Variants in ELOVL2 observed in about 807,000 individuals in gnomAD.
The protein encoded by ELOVL2 is very long chain fatty acid elongase 2.
A neutral mutation model predicts 37.7 loss-of-function variants in ELOVL2; 38 were observed. The ratio of observed to expected loss-of-function variants is 1.01; its 90% CI spans 0.78 to 1.32. The LOEUF (loss-of-function observed/expected upper bound fraction) is 1.32, where lower values mean the gene tolerates loss of function less well. Ranked by LOEUF, ELOVL2 falls within the 40% of genes most tolerant of loss-of-function variation. The probability of loss-of-function intolerance (pLI) is 0.00; values close to 1 mark genes in which losing one functional copy is unlikely to be tolerated. For synonymous variants in ELOVL2, 115 were observed against 122.3 expected, an observed-to-expected ratio of 0.94 and a Z score of 0.40; for missense variants, 352 against 363.6, an observed-to-expected ratio of 0.97 and a Z score of 0.26.
chr6:11,006,538 C>T (rs751108622), intron 2 of ELOVL2, among the ~76,000 whole-genome samples: 1 of 152,242 alleles, frequency 6.6e-6, no homozygotes, highest in Non-Finnish European at 1.5e-5. Flanking sequence ...GTTTCACCAA[C>T]AGGCAATGGC....
intron 5 of ELOVL2, among the ~76,000 whole-genome samples, chr6:10,992,800 CAAAA>C (rs1554110938): frequency 6.3e-5 from 7 of 111,084 alleles, no homozygotes; most frequent in African/African-American, 1.3e-4. Flanking sequence ...AAAAACAAAA[CAAAA>C]AAAAACAAAA....
intron 4 of ELOVL2, among the ~76,000 whole-genome samples, chr6:10,997,676 A>G (rs1222543230): frequency 1.3e-5 from 2 of 152,160 alleles, no homozygotes; most frequent in African/African-American, 4.8e-5. Context: ...TGGCAATTAG[A>G]TTTACAGGCT....
At chr6:11,021,596 A>C (rs1782766320) in intron 1 of ELOVL2, among the ~76,000 whole-genome samples, 1 of 152,170 alleles carries the variant, frequency 6.6e-6, no homozygotes, top group South Asian at 2.1e-4. Context: ...TAAAGCAGAG[A>C]GATATTGAGG....
Position 10,990,082 on chromosome 6 carries a change from A to G in ELOVL2, c.630+236T>C, listed in dbSNP as rs1322047085. Among the ~76,000 whole-genome samples, 3 of 152,378 alleles carry G rather than the reference A, an allele frequency of 2.0e-5. No individual in the cohort carries two copies. In the East Asian group the frequency reaches 5.8e-4, roughly 29 times the overall value. On this transcript the variant is annotated intron_variant, in intron 6 of 7. Transcript: ENST00000354666. Reference sequence around the variant, plus strand: ...TATTTAGACAAAAAGGATTTAACTTACACATTAATTTGAAAAGTAATCATC... The same window carrying G: ...TATTTAGACAAAAAGGATTTAACTTGCACATTAATTTGAAAAGTAATCATC...
chr6:11,018,873 C>G (rs1782722750), intron 1 of ELOVL2, among the ~76,000 whole-genome samples: 1 of 152,090 alleles, frequency 6.6e-6, no homozygotes, highest in African/African-American at 2.4e-5. Flanking sequence ...CCATTAATTT[C>G]AAAGCATTTA....
chr6:11,020,212 G>T (rs997637269), intron 1 of ELOVL2, among the ~76,000 whole-genome samples: 1 of 152,024 alleles, frequency 6.6e-6, no homozygotes, highest in Non-Finnish European at 1.5e-5. Context: ...CAATGGGTTG[G>T]TTTCTTCCTA....
At chr6:10,997,042 TTTAG>T (rs70991079) in intron 4 of ELOVL2, among the ~76,000 whole-genome samples, 17,283 of 152,146 alleles carry the variant, frequency 0.11, 1,285 homozygotes, top group Non-Finnish European at 0.16. Context: ...ATTAAAAGAT[TTTAG>T]TTAAATGGTT....
chr6:10,993,836 G>A (rs1303218298), intron 5 of ELOVL2, among the ~76,000 whole-genome samples: 2 of 146,458 alleles, frequency 1.4e-5, no homozygotes, highest in Admixed American at 6.9e-5. Flanking sequence ...TATTACAAGT[G>A]CACGTCACCA....
At chr6:11,025,398 G>T (rs1235595670) in intron 1 of ELOVL2, among the ~76,000 whole-genome samples, 1 of 152,084 alleles carries the variant, frequency 6.6e-6, no homozygotes, top group Non-Finnish European at 1.5e-5. Flanking sequence ...GAAATGAACT[G>T]GGCAGACAGA....
chr6:10,987,245 CTTT>C (rs1782068588), intron 7 of ELOVL2, among the ~76,000 whole-genome samples: 1 of 152,046 alleles, frequency 6.6e-6, no homozygotes, highest in South Asian at 2.1e-4. Flanking sequence ...CTCTTTTCTT[CTTT>C]ATTAGTCTTG....
At chr6:10,987,064 T>C (rs1273916219) in intron 7 of ELOVL2, among the ~76,000 whole-genome samples, 39 of 152,362 alleles carry the variant, frequency 2.6e-4, no homozygotes. Flanking sequence ...AGCTTCTTCC[T>C]GGTTTAGTCT....
At chr6:11,023,867 G>A (rs1049143825) in intron 1 of ELOVL2, among the ~76,000 whole-genome samples, 5 of 152,176 alleles carry the variant, frequency 3.3e-5, no homozygotes, top group African/African-American at 1.2e-4. Flanking sequence ...GAAAAATGCG[G>A]CCTGAGCTAC....
chr6:10,996,202 CAAG>C (rs1284948202), intron 4 of ELOVL2, among the ~76,000 whole-genome samples: 3 of 152,140 alleles, frequency 2.0e-5, no homozygotes, highest in Non-Finnish European at 2.9e-5. Flanking sequence ...GTCTACTTCC[CAAG>C]AAGACCATCA....
At chr6:11,016,518 G>T (rs1240670113) in intron 1 of ELOVL2, among the ~76,000 whole-genome samples, 2 of 152,204 alleles carry the variant, frequency 1.3e-5, no homozygotes, top group African/African-American at 4.8e-5. Context: ...GATCTGATCA[G>T]CTTAGGAATG....
intron 1 of ELOVL2, among the ~76,000 whole-genome samples, chr6:11,026,036 T>C (rs761597348): frequency 4.0e-5 from 6 of 151,782 alleles, no homozygotes; most frequent in Non-Finnish European, 7.4e-5. Context: ...CATTCCTGAG[T>C]TTCCTAAGCA....
intron 4 of ELOVL2, among the ~76,000 whole-genome samples, chr6:10,998,701 T>G (rs1392005431): frequency 6.6e-6 from 1 of 152,174 alleles, no homozygotes; most frequent in Non-Finnish European, 1.5e-5. Flanking sequence ...GGGTTCATCT[T>G]ATAAACATTT....
chr6:10,987,283 TC>T (rs1449277099), intron 7 of ELOVL2, among the ~76,000 whole-genome samples: 1 of 152,174 alleles, frequency 6.6e-6, no homozygotes, highest in South Asian at 2.1e-4. Flanking sequence ...ATTTTGTTGA[TC>T]CTTTCAAAAA....
intron 1 of ELOVL2, among the ~76,000 whole-genome samples, chr6:11,025,267 T>C: frequency 6.6e-6 from 1 of 152,286 alleles, no homozygotes; most frequent in East Asian, 1.9e-4. Context: ...TCTTTGCCTA[T>C]ATAAGAATTT....
At chr6:11,042,097 G>T (rs1216039368) in intron 1 of ELOVL2, among the ~76,000 whole-genome samples, 1 of 151,966 alleles carries the variant, frequency 6.6e-6, no homozygotes, top group Non-Finnish European at 1.5e-5. Context: ...TTGATCACTT[G>T]AGGTCAGGAG....
Sources: gnomAD v4.1 joint callset for allele counts (sites outside exome capture counted in the v4.1 genomes callset) on GRCh38, gnomAD v4.1.1 for gene constraint, MANE v1.5 for transcripts, NCBI Gene and HGNC (gene_info 2026-07-23, HGNC 2026-07-21) for gene names.